KIF6: variants seen among roughly 807,000 people sequenced by gnomAD.
The protein encoded by KIF6 is kinesin-like protein KIF6.
In KIF6, 106 loss-of-function variants were observed where a neutral mutation model predicts 112.7. That is an observed-to-expected ratio of 0.94 (90% confidence interval 0.80 to 1.11). KIF6 has a LOEUF of 1.11. Among genes scored for constraint, KIF6 ranks in the 50% least tolerant of loss-of-function variants. The pLI is 0.00. For synonymous variants in KIF6, 339 were observed against 339.9 expected (o/e 1.00, Z 0.03); for missense variants, 929 against 964.0 (o/e 0.96, Z 0.48).
intron 3 of KIF6, among the ~76,000 whole-genome samples, chr6:39,711,423 A>G (rs1789553392): frequency 1.3e-5 from 2 of 152,154 alleles, no homozygotes; most frequent in African/African-American, 4.8e-5. Flanking sequence ...ACAGAGTGCT[A>G]TACCCAGTCA....
chr6:39,574,251 T>G (rs539238309), intron 10 of KIF6, among the ~76,000 whole-genome samples: 1 of 152,190 alleles, frequency 6.6e-6, no homozygotes, highest in African/African-American at 2.4e-5. Context: ...TATACAATAG[T>G]AAGAATCATA....
chr6:39,395,713 T>G (rs59352627), intron 15 of KIF6, among the ~76,000 whole-genome samples: 20,380 of 151,996 alleles, frequency 0.13, 1,903 homozygotes, highest in African/African-American at 0.25. Flanking sequence ...GGCATTCAAA[T>G]CTCCTCTACT....
intron 3 of KIF6, among the ~76,000 whole-genome samples, chr6:39,687,936 G>A (rs1264450916): frequency 6.6e-6 from 1 of 152,188 alleles, no homozygotes; most frequent in Non-Finnish European, 1.5e-5. Flanking sequence ...CATTCATAGA[G>A]GGTCTTGTGA....
chr6:39,690,275 G>C (rs572035431), intron 3 of KIF6: 2 of 152,076 alleles, frequency 1.3e-5, no homozygotes, highest in Non-Finnish European at 2.9e-5. Flanking sequence ...GTATCGGAAA[G>C]GGTGGTAGGC....
chr6:39,567,399 T>C (rs554539640), intron 10 of KIF6, among the ~76,000 whole-genome samples: 2 of 152,304 alleles, frequency 1.3e-5, no homozygotes, highest in South Asian at 4.1e-4. Context: ...CTCCTTAGAC[T>C]AGGAGAGTCA....
chr6:39,414,005 G>T (rs1406947303), intron 15 of KIF6, among the ~76,000 whole-genome samples: 3 of 152,128 alleles, frequency 2.0e-5, no homozygotes, highest in Non-Finnish European at 2.9e-5. Flanking sequence ...GCTTTTCTCT[G>T]AACCATTTCT....
chr6:39,521,281 T>A (rs1395737893), intron 13 of KIF6, among the ~76,000 whole-genome samples: 3 of 152,162 alleles, frequency 2.0e-5, no homozygotes, highest in Non-Finnish European at 4.4e-5. Flanking sequence ...AGAAAAAGAA[T>A]CTCCTTGATC....
chr6:39,438,620 TAA>T (rs915815382), intron 13 of KIF6, among the ~76,000 whole-genome samples: 2 of 152,234 alleles, frequency 1.3e-5, no homozygotes, highest in African/African-American at 4.8e-5. Flanking sequence ...TGTTTTAAGC[TAA>T]GTGTTATTAC....
intron 13 of KIF6, among the ~76,000 whole-genome samples, chr6:39,447,415 T>C (rs184057940): frequency 7.6e-4 from 116 of 152,304 alleles, no homozygotes; most frequent in East Asian, 7.3e-3. Context: ...ATCTCCTGCC[T>C]GAACAATTTC....
At chr6:39,705,353 T>C (rs1248910702) in intron 3 of KIF6, among the ~76,000 whole-genome samples, 9 of 152,310 alleles carry the variant, frequency 5.9e-5, no homozygotes, top group Non-Finnish European at 1.3e-4. Context: ...AGCAGGTGTC[T>C]ATATAGCGTG....
At chr6:39,537,837 C>G (rs1047277945) in intron 13 of KIF6, among the ~76,000 whole-genome samples, 1 of 152,138 alleles carries the variant, frequency 6.6e-6, no homozygotes, top group African/African-American at 2.4e-5. Flanking sequence ...CTACAGGAAC[C>G]AAAACAGCAT....
At chr6:39,664,016 AG>A (rs1786309750) in intron 3 of KIF6, among the ~76,000 whole-genome samples, 1 of 152,120 alleles carries the variant, frequency 6.6e-6, no homozygotes, top group Non-Finnish European at 1.5e-5. Context: ...TGTCCTCATG[AG>A]GCTTACATTT....
intron 3 of KIF6, among the ~76,000 whole-genome samples, chr6:39,659,467 G>A (rs1053393640): frequency 2.0e-5 from 3 of 152,178 alleles, no homozygotes; most frequent in African/African-American, 4.8e-5. Context: ...ATTAATGAAT[G>A]ATCAAGTGAT....
At chr6:39,703,667 A>G (rs1276636098) in intron 3 of KIF6, among the ~76,000 whole-genome samples, 1 of 152,206 alleles carries the variant, frequency 6.6e-6, no homozygotes, top group African/African-American at 2.4e-5. Flanking sequence ...AAACTCTGCT[A>G]AAAGTGCTCT....
chr6:39,514,193 A>G lies in KIF6; in HGVS notation c.1645+25810T>C, dbSNP rs543496377. On this transcript the variant is annotated intron_variant, in intron 13 of 22. Coordinates refer to ENST00000287152, the MANE Select transcript of KIF6 (RefSeq NM_145027.6). Reference sequence around the variant, plus strand: ...AGGGGATCCCCAAATTGCAGTCCCCACAAGATCGGATCTTCCCCTGACAGT... The same window carrying G: ...AGGGGATCCCCAAATTGCAGTCCCCGCAAGATCGGATCTTCCCCTGACAGT... 1.9e-3 allele frequency among the ~76,000 whole-genome samples: 296 copies of G among 152,338 alleles called. 2 individuals carry two copies. Among genetic ancestry groups the G allele is most frequent in the African/African-American group, 6.9e-3 (288 of 41,586 alleles).
At chr6:39,339,113 G>A (rs796522462) in intron 22 of KIF6, among the ~76,000 whole-genome samples, 6 of 152,226 alleles carry the variant, frequency 3.9e-5, no homozygotes, top group African/African-American at 1.4e-4. Context: ...TGTCTGTATT[G>A]GGGTTTTGAT....
At chr6:39,581,474 ACTT>A (rs1781293147) in intron 9 of KIF6, among the ~76,000 whole-genome samples, 1 of 151,576 alleles carries the variant, frequency 6.6e-6, no homozygotes, top group South Asian at 2.1e-4. Context: ...TCATTTTCTA[ACTT>A]CTTTTGCTTG....
At chr6:39,721,483 C>G (rs1320678067) in intron 1 of KIF6, among the ~76,000 whole-genome samples, 1 of 152,160 alleles carries the variant, frequency 6.6e-6, no homozygotes, top group East Asian at 1.9e-4. Flanking sequence ...AACCAACACC[C>G]TTAGGACTGT....
chr6:39,696,783 G>GAC (rs761120622), intron 3 of KIF6, among the ~76,000 whole-genome samples: 96 of 150,050 alleles, frequency 6.4e-4, no homozygotes, highest in East Asian at 5.9e-4. Flanking sequence ...GTAAATACTG[G>GAC]ACACACACAC....
Sources: allele counts gnomAD v4.1 joint callset (sites outside exome capture counted in the v4.1 genomes callset), GRCh38; gene constraint gnomAD v4.1.1; transcripts MANE v1.5; gene names NCBI Gene and HGNC (gene_info 2026-07-23, HGNC 2026-07-21).